Variants in MLLT3 observed in about 807,000 individuals in gnomAD.
MLLT3 encodes MLLT3 super elongation complex subunit, also known as protein AF-9.
A neutral mutation model predicts 53.2 loss-of-function variants in MLLT3; 4 were observed. The ratio of observed to expected loss-of-function variants is 0.08; its 90% CI spans 0.04 to 0.17. The LOEUF (loss-of-function observed/expected upper bound fraction) is 0.17. Among genes scored for constraint, MLLT3 ranks in the 10% least tolerant of loss-of-function variants. The pLI is 1.00. For synonymous variants in MLLT3, 283 were observed against 230.6 expected (o/e 1.23, Z -2.06); for missense variants, 569 against 684.0 (o/e 0.83, Z 1.87).
chr9:20,530,511 A>G (rs763963032), intron 2 of MLLT3, among the ~76,000 whole-genome samples: 1 of 152,230 alleles, frequency 6.6e-6, no homozygotes, highest in Non-Finnish European at 1.5e-5. Context: ...TAGATGACGG[A>G]GAGAGGAATT....
intron 2 of MLLT3, among the ~76,000 whole-genome samples, chr9:20,457,076 C>T (rs573582953): frequency 3.9e-5 from 6 of 152,036 alleles, no homozygotes; most frequent in South Asian, 4.2e-4. Flanking sequence ...TTGTTATTAC[C>T]CTGCCCAAAA....
chr9:20,519,079 C>A (rs6475451), intron 2 of MLLT3, among the ~76,000 whole-genome samples: 62,794 of 151,894 alleles, frequency 0.41, 13,283 homozygotes, highest in South Asian at 0.5. Context: ...TACTTATTAA[C>A]CAGAAGAAAT....
intron 2 of MLLT3, among the ~76,000 whole-genome samples, chr9:20,517,698 TG>T: frequency 6.6e-6 from 1 of 151,790 alleles, no homozygotes; most frequent in Middle Eastern, 3.2e-3. Context: ...AAGCCGGGTG[TG>T]CTGGTGTGGT....
intron 8 of MLLT3, among the ~76,000 whole-genome samples, chr9:20,358,747 G>C (rs942247563): frequency 2.6e-5 from 4 of 151,924 alleles, no homozygotes; most frequent in Non-Finnish European, 4.4e-5. Flanking sequence ...CACAAAAGCA[G>C]AGCCTAATGC....
rs965738377 is a variant in MLLT3 at position 20,401,575 on chromosome 9, C to T, written c.1125+12146G>A. ...CATACTTTCCATATGCTTCTAACAACGTGGCAGCTAGAGCACCGGTCATCA... is the reference window on the plus strand; with the variant it reads ...CATACTTTCCATATGCTTCTAACAATGTGGCAGCTAGAGCACCGGTCATCA... On this transcript the variant is annotated intron_variant, in intron 5 of 10. Coordinates refer to ENST00000380338, the MANE Select transcript of MLLT3 (RefSeq NM_004529.4). 3.2e-4 allele frequency among the ~76,000 whole-genome samples: 49 copies of T among 152,166 alleles called. 2 individuals are homozygous for T. The highest frequency in any genetic ancestry group is 1.2e-4 in the Non-Finnish European group (8 of 68,038).
intron 2 of MLLT3, among the ~76,000 whole-genome samples, chr9:20,470,655 C>T (rs536694179): frequency 6.6e-6 from 1 of 151,984 alleles, no homozygotes; most frequent in Non-Finnish European, 1.5e-5. Context: ...AGATAAATTC[C>T]AAATCCATCT....
intron 2 of MLLT3, among the ~76,000 whole-genome samples, chr9:20,616,619 G>A (rs7868612): frequency 0.43 from 65,379 of 151,960 alleles, 14,929 homozygotes; most frequent in Middle Eastern, 0.52. Flanking sequence ...ATAGACATAC[G>A]TATACTTATC....
chr9:20,600,327 C>T (rs75147826), intron 2 of MLLT3, among the ~76,000 whole-genome samples: 2,124 of 152,150 alleles, frequency 0.014, 56 homozygotes, highest in African/African-American at 0.049. Context: ...AGGTAAGAAC[C>T]ACGTCTGTTT....
chr9:20,574,444 T>C (rs536503511), intron 2 of MLLT3, among the ~76,000 whole-genome samples: 14 of 152,348 alleles, frequency 9.2e-5, no homozygotes, highest in Non-Finnish European at 1.3e-4. Context: ...ATAAAGTGAA[T>C]ACCACAATAA....
chr9:20,569,518 A>G (rs1044850400), intron 2 of MLLT3, among the ~76,000 whole-genome samples: 3 of 152,190 alleles, frequency 2.0e-5, no homozygotes, highest in Non-Finnish European at 2.9e-5. Flanking sequence ...GACTTTTCAA[A>G]GTCTCAGAGC....
intron 2 of MLLT3, among the ~76,000 whole-genome samples, chr9:20,492,333 C>T (rs1010076775): frequency 2.0e-5 from 3 of 151,858 alleles, no homozygotes; most frequent in Admixed American, 6.6e-5. Flanking sequence ...ACTGAATGGG[C>T]TAGAAAAAGA....
chr9:20,590,302 ACCC>A (rs1231929914), intron 2 of MLLT3, among the ~76,000 whole-genome samples: 2 of 152,210 alleles, frequency 1.3e-5, no homozygotes, highest in East Asian at 1.9e-4. Context: ...CATCAGTGCT[ACCC>A]AGACAGAGTC....
At chr9:20,452,132 A>AT (rs1398946406) in intron 3 of MLLT3, among the ~76,000 whole-genome samples, 2 of 152,100 alleles carry the variant, frequency 1.3e-5, no homozygotes, top group Non-Finnish European at 2.9e-5. Flanking sequence ...ACCTGGAATT[A>AT]TTTTTTCTGC....
At chr9:20,431,995 G>A (rs937601472) in intron 4 of MLLT3, among the ~76,000 whole-genome samples, 4 of 152,168 alleles carry the variant, frequency 2.6e-5, no homozygotes, top group East Asian at 1.9e-4. Flanking sequence ...TAATTATATC[G>A]AGAGAAGGCA....
chr9:20,381,828 T>C (rs115240566), intron 5 of MLLT3, among the ~76,000 whole-genome samples: 1,796 of 151,936 alleles, frequency 0.012, 33 homozygotes, highest in African/African-American at 0.04. Flanking sequence ...TGATAAGCTA[T>C]ATAATTAAGA....
chr9:20,603,553 T>G (rs1820489066), intron 2 of MLLT3, among the ~76,000 whole-genome samples: 1 of 152,096 alleles, frequency 6.6e-6, no homozygotes, highest in Non-Finnish European at 1.5e-5. Flanking sequence ...TTTATTCTAT[T>G]TTGGCACGTT....
At chr9:20,423,242 G>C (rs377543754) in intron 4 of MLLT3, among the ~76,000 whole-genome samples, 1 of 152,134 alleles carries the variant, frequency 6.6e-6, no homozygotes, top group East Asian at 1.9e-4. Flanking sequence ...TGTAAAGTCA[G>C]TGGGTTTCAA....
chr9:20,351,250 T>C (rs1821022300), intron 10 of MLLT3, among the ~76,000 whole-genome samples: 1 of 152,226 alleles, frequency 6.6e-6, no homozygotes, highest in Non-Finnish European at 1.5e-5. Context: ...TCGAAAAGAA[T>C]GACGGCTGGC....
intron 2 of MLLT3, among the ~76,000 whole-genome samples, chr9:20,509,579 T>C (rs1825473754): frequency 6.6e-6 from 1 of 152,198 alleles, no homozygotes; most frequent in Non-Finnish European, 1.5e-5. Flanking sequence ...AGGTTTTGGC[T>C]TTTGTTTAAG....
Sources: gnomAD v4.1 joint callset for allele counts (sites outside exome capture counted in the v4.1 genomes callset) on GRCh38, gnomAD v4.1.1 for gene constraint, MANE v1.5 for transcripts, NCBI Gene and HGNC (gene_info 2026-07-23, HGNC 2026-07-21) for gene names.